The following LZTFL1 variants were observed in gnomAD, a reference collection of about 807,000 sequenced individuals.
The protein encoded by LZTFL1 is leucine zipper transcription factor-like protein 1.
In LZTFL1, 25 loss-of-function variants were observed where a neutral mutation model predicts 45.9. The observed-to-expected ratio is 0.54, with a 90% confidence interval of 0.40 to 0.76. The LOEUF is 0.76. Among genes scored for constraint, LZTFL1 ranks in the 30% least tolerant of loss-of-function variants. The pLI is 0.00. For synonymous variants in LZTFL1, 93 were observed against 117.4 expected (o/e 0.79, Z 1.35); for missense variants, 277 against 331.1 (o/e 0.84, Z 1.27).
At chr3:45,852,401 A>G (rs537227214) in intron 4 of LZTFL1, among the ~76,000 whole-genome samples, 1 of 152,348 alleles carries the variant, frequency 6.6e-6, no homozygotes, top group African/African-American at 2.4e-5. Context: ...TCTGTGGTAA[A>G]AAGTCTTGAG....
At position 45,835,609 on chromosome 3, in the gene LZTFL1, T is replaced by C; in HGVS notation, c.304A>G (p.Ile102Val). The change falls in exon 3 of 10, where the codon ATC becomes GTC. Residue 102 changes from isoleucine to valine, a missense_variant. Coordinates refer to ENST00000296135, the MANE Select transcript of LZTFL1 (RefSeq NM_020347.4). ...TATTACCGGTTTTCAAGTTCAGAGA[T>C]GTCTGTCTGTAGCTTAAGATACCAC... The part of the protein sequence containing the change: ...EKWYLKLQTD[I>V]SELENRELLE... 1 of 1,614,072 alleles carries C rather than the reference T, an allele frequency of 6.2e-7. No homozygotes were observed. The highest frequency in any genetic ancestry group is 8.5e-7 in the Non-Finnish European group (1 of 1,179,970).
In LZTFL1 at chr3:45,833,128, C is replaced by T; in HGVS notation, c.385-7G>A. 2.5e-6 allele frequency: 4 copies of T among 1,607,466 alleles called. No individual in the cohort carries two copies. The highest frequency in any genetic ancestry group is 3.4e-6 in the Non-Finnish European group (4 of 1,174,392). On this transcript the variant is annotated splice_polypyrimidine_tract_variant and splice_region_variant and intron_variant, in intron 4 of 9. Coordinates refer to ENST00000296135, the MANE Select transcript of LZTFL1 (RefSeq NM_020347.4). Reference sequence around the variant, plus strand: ...TTGTGACATCTAAGATGGGCTGAAACAAAATAAAGAAACCAAACTGAAATC... The same window carrying T: ...TTGTGACATCTAAGATGGGCTGAAATAAAATAAAGAAACCAAACTGAAATC...
chr3:45,840,736 T>C (rs1701085842), intron 1 of LZTFL1, among the ~76,000 whole-genome samples: 1 of 152,174 alleles, frequency 6.6e-6, no homozygotes, highest in Non-Finnish European at 1.5e-5. Context: ...GGGAAGGGGA[T>C]AGAAGAGAAA....
intron 1 of LZTFL1, among the ~76,000 whole-genome samples, chr3:45,839,566 T>G (rs922787095): frequency 5.1e-4 from 77 of 152,328 alleles, no homozygotes; most frequent in African/African-American, 1.8e-3. Context: ...GCCTTGACTT[T>G]CACTCATGTT....
chr3:45,886,627 T>C (rs972007770), intron 2 of LZTFL1: 1 of 152,296 alleles, frequency 6.6e-6, no homozygotes, highest in African/African-American at 2.4e-5. Flanking sequence ...GTGCCTGCTG[T>C]CCCAGGGAGA....
In LZTFL1 at chr3:45,901,055, T is replaced by C. The variant is rs1364413792; in HGVS notation, c.-215+12065A>G. 5 of 1,614,074 alleles carry C rather than the reference T, an allele frequency of 3.1e-6. No individual in the cohort carries two copies. The Admixed American group carries it at 5.0e-5, about 16-fold the overall frequency. ...CCATGACCGACATGTTCCTTTTGAA[T>C]TTGGCAATTGCTGACCTCCTCTTTC... On this transcript the variant is annotated intron_variant, in intron 2 of 4. Coordinates refer to the LZTFL1 transcript ENST00000472635. The surrounding 1 kb of genome is among the most constrained non-coding windows in gnomAD (Gnocchi z 4.3).
chr3:45,828,670 G>A, intron 7 of LZTFL1, 55 bp from the exon 8 acceptor site: 1 of 1,378,080 alleles, frequency 7.3e-7, no homozygotes, highest in South Asian at 1.2e-5. Context: ...AAAAATAACT[G>A]TTTTAGAATG....
chr3:45,849,313 C>T (rs1448999738), intron 4 of LZTFL1, among the ~76,000 whole-genome samples: 1 of 152,184 alleles, frequency 6.6e-6, no homozygotes. Context: ...GGGAACATAG[C>T]AAACACGGGC....
intron 2 of LZTFL1, among the ~76,000 whole-genome samples, chr3:45,869,094 T>C (rs1701627854): frequency 6.6e-6 from 1 of 152,136 alleles, no homozygotes; most frequent in South Asian, 2.1e-4. Flanking sequence ...GCAGGTCTTG[T>C]GTGACACTGA....
At chr3:45,839,974 C>T (rs910076611) in intron 1 of LZTFL1, among the ~76,000 whole-genome samples, 2 of 152,208 alleles carry the variant, frequency 1.3e-5, no homozygotes, top group Non-Finnish European at 2.9e-5. Flanking sequence ...CCGTCACAGG[C>T]TGATTACTAC....
upstream of LZTFL1, chr3:45,842,250 C>A (rs1701140543): frequency 8.2e-7 from 1 of 1,222,106 alleles, no homozygotes; most frequent in South Asian, 1.6e-5. Context: ...GCCGGAAGTC[C>A]CACCTTTTTG....
intron 2 of LZTFL1, chr3:45,883,960 C>A: frequency 2.6e-6 from 1 of 377,934 alleles, no homozygotes; most frequent in Non-Finnish European, 5.1e-6. Context: ...GGCTCAGTGA[C>A]AAATGAATGT....
intron 8 of LZTFL1, among the ~76,000 whole-genome samples, chr3:45,827,682 G>C (rs1700704188): frequency 6.6e-6 from 1 of 152,146 alleles, no homozygotes; most frequent in East Asian, 1.9e-4. Flanking sequence ...ATTTTCCCAA[G>C]TACAGTGTTG....
intron 8 of LZTFL1, 90 bp downstream of exon 8, chr3:45,828,349 C>A (rs1575249896): frequency 8.8e-7 from 1 of 1,141,720 alleles, no homozygotes; most frequent in African/African-American, 1.5e-5. Context: ...TTGCAGTTGT[C>A]CAACGTTTAT....
At position 45,835,733 on chromosome 3, in the gene LZTFL1, T is replaced by A. The variant is rs755530457; in HGVS notation, c.180A>T (p.Gly60=). The change falls in exon 3 of 10, where the codon GGA becomes GGT. Residue 60 remains glycine (G), a synonymous_variant. Coordinates refer to ENST00000296135, the MANE Select transcript of LZTFL1 (RefSeq NM_020347.4). ...TIDEVSEVLN[G]LQAVVHSEVE... The stretch of plus-strand genomic sequence containing the variant: ...CCTCACTATGAACCACAGCTTGTAA[T>A]CCATTGAGGACTTCAGAGACTTCAT... 1.2e-6 allele frequency: 2 copies of A among 1,614,138 alleles called. No individual in the cohort carries two copies. The highest frequency in any genetic ancestry group is 3.3e-5 in the Admixed American group (2 of 60,020).
chr3:45,833,192 ACTTTGC>A, intron 4 of LZTFL1, 71 bp from the exon 5 acceptor site: 1 of 1,049,146 alleles, frequency 9.5e-7, no homozygotes, highest in Non-Finnish European at 1.5e-6. Flanking sequence ...GAACACTTGC[ACTTTGC>A]AAGTGGAAGA....
chr3:45,834,161 C>T, intron 4 of LZTFL1, 77 bp downstream of exon 4: 1 of 785,804 alleles, frequency 1.3e-6, no homozygotes, highest in South Asian at 1.8e-5. Context: ...CAGTTTTGAT[C>T]TCTGAATTCT....
At chr3:45,879,494 A>G (rs2125724737) in intron 2 of LZTFL1, among the ~76,000 whole-genome samples, 1 of 152,362 alleles carries the variant, frequency 6.6e-6, no homozygotes, top group Non-Finnish European at 1.5e-5. Context: ...AGTGGTTGCC[A>G]GGAGTAAGGT....
Position 45,823,640 on chromosome 3 carries a change from A to G in LZTFL1, c.*2674T>C, listed in dbSNP as rs1437827300. 6.6e-6 allele frequency: 1 copy of G among 152,236 alleles called. No homozygotes were observed. The highest frequency in any genetic ancestry group is 1.5e-5 in the Non-Finnish European group (1 of 68,042). The allele number at this position is 152,236 out of a possible 1,614,324, so 9.4% of individuals were successfully genotyped here. ...CAGTTTTGAAAATGGTTTTGTCAAA[A>G]TATTATTGTCTAAATACTACTGTTT... On this transcript the variant is annotated 3_prime_UTR_variant, in exon 10 of 10. Transcript: ENST00000296135.
Sources: allele counts gnomAD v4.1 joint callset (sites outside exome capture counted in the v4.1 genomes callset), GRCh38; gene constraint gnomAD v4.1.1; non-coding constraint Gnocchi (gnomAD v3.1); transcripts MANE v1.5; gene names NCBI Gene and HGNC (gene_info 2026-07-23, HGNC 2026-07-21).